The following CCDC32 variants were observed in gnomAD, a reference collection of about 807,000 sequenced individuals.
CCDC32 encodes the protein coiled-coil domain-containing protein 32.
A neutral mutation model predicts 20.1 loss-of-function variants in CCDC32; 9 were observed. The ratio of observed to expected loss-of-function variants is 0.45; its 90% CI spans 0.27 to 0.78. CCDC32 has a LOEUF of 0.78. CCDC32 is among the 30% of genes least tolerant of loss of function. The probability of loss-of-function intolerance (pLI) is 0.16; values close to 1 mark genes in which losing one functional copy is unlikely to be tolerated. For synonymous variants in CCDC32, 63 were observed against 79.0 expected (o/e 0.80, Z 1.07); for missense variants, 204 against 215.5 (o/e 0.95, Z 0.33).
At chr15:40,557,491 T>A (rs1890328131) in intron 2 of CCDC32, 119 bp from the exon 3 acceptor site, 2 of 962,706 alleles carry the variant, frequency 2.1e-6, no homozygotes, top group African/African-American at 3.3e-5. Context: ...CCACACTCCC[T>A]GCCAAAGAGG....
At chr15:40,558,730 A>G (rs187192701) in intron 2 of CCDC32, among the ~76,000 whole-genome samples, 52 of 152,306 alleles carry the variant, frequency 3.4e-4, no homozygotes, top group African/African-American at 1.2e-3. Context: ...CTGACTTTAG[A>G]GAAGATCATT....
intron 2 of CCDC32, among the ~76,000 whole-genome samples, chr15:40,561,479 A>AC (rs1566986010): frequency 6.6e-6 from 1 of 151,392 alleles, no homozygotes; most frequent in East Asian, 1.9e-4. Flanking sequence ...TCTCAAAAAA[A>AC]AAAAACAAAA....
chr15:40,534,079 C>A (rs759709334), downstream of CCDC32, among the ~76,000 whole-genome samples: 13 of 152,188 alleles, frequency 8.5e-5, no homozygotes, highest in Non-Finnish European at 1.9e-4. Flanking sequence ...GACTTTTGAC[C>A]TGGTAATCCC....
At position 40,565,035 on chromosome 15, in the gene CCDC32, C is replaced by G; in HGVS notation, c.-72G>C. 1 of 555,360 alleles carries G rather than the reference C, an allele frequency of 1.8e-6. No homozygotes were observed. Among genetic ancestry groups the G allele is most frequent in the Non-Finnish European group, 3.2e-6 (1 of 310,568 alleles). The allele number at this position is 555,360 out of a possible 1,614,324, so 34.4% of individuals were successfully genotyped here. On this transcript the variant is annotated 5_prime_UTR_variant, in exon 1 of 4. Coordinates refer to ENST00000416810, the MANE Select transcript of CCDC32 (RefSeq NM_001080792.4). ...CTGTCGCCTGTAGCCCGGAGGAAAT[C>G]GGGAGGGGCGGAGTCCCCTAGTGAC...
At chr15:40,543,447 TTTGTTGTTG>T (rs754674235) in intron 3 of CCDC32, among the ~76,000 whole-genome samples, 1 of 151,520 alleles carries the variant, frequency 6.6e-6, no homozygotes, top group African/African-American at 2.4e-5. Flanking sequence ...CTGTTTTGTT[TTTGTTGTTG>T]TTGTTGTTGT....
intron 3 of CCDC32, among the ~76,000 whole-genome samples, chr15:40,528,941 C>G (rs1003436594): frequency 6.6e-6 from 1 of 152,182 alleles, no homozygotes; most frequent in African/African-American, 2.4e-5. Flanking sequence ...ATTCAGCGCT[C>G]AGCATTCTGA....
intron 2 of CCDC32, among the ~76,000 whole-genome samples, chr15:40,560,398 T>G (rs1360124109): frequency 6.6e-6 from 1 of 152,128 alleles, no homozygotes; most frequent in African/African-American, 2.4e-5. Flanking sequence ...AAAACTTCCG[T>G]ACAGCAAAAG....
chr15:40,528,475 T>C (rs961003477), downstream of CCDC32, among the ~76,000 whole-genome samples: 4 of 152,074 alleles, frequency 2.6e-5, no homozygotes, highest in South Asian at 8.3e-4. Flanking sequence ...GAGGAGGGAA[T>C]GACATGAAAT....
chr15:40,536,029 C>A (rs901384268), downstream of CCDC32: 1 of 152,282 alleles, frequency 6.6e-6, no homozygotes, highest in Non-Finnish European at 1.5e-5. Context: ...TCCCTTAATC[C>A]AGCAGTGACT....
intron 3 of CCDC32, among the ~76,000 whole-genome samples, chr15:40,539,840 C>CACA (rs1555413863): frequency 1.5e-5 from 2 of 134,632 alleles, no homozygotes; most frequent in African/African-American, 5.5e-5. Flanking sequence ...CAAACTGTTG[C>CACA]CACACACACA....
the CCDC32 span, among the ~76,000 whole-genome samples, chr15:40,522,961 G>A: frequency 1.3e-5 from 2 of 151,578 alleles, no homozygotes; most frequent in Admixed American, 6.6e-5. Flanking sequence ...CGAGTAGTGG[G>A]GATTATAGGA....
chr15:40,524,040 G>C (rs1894866152), downstream of CCDC32, among the ~76,000 whole-genome samples: 1 of 151,208 alleles, frequency 6.6e-6, no homozygotes, highest in South Asian at 2.1e-4. Flanking sequence ...ACAAATATCA[G>C]TTGACGGGAG....
At chr15:40,521,077 G>A in the CCDC32 span, among the ~76,000 whole-genome samples, 1 of 152,180 alleles carries the variant, frequency 6.6e-6, no homozygotes, top group Non-Finnish European at 1.5e-5. Flanking sequence ...TTCGCGTCGA[G>A]TAGGCTGAGG....
At chr15:40,532,714 C>CTTTTTTTTTT (rs1189285245), downstream of CCDC32, among the ~76,000 whole-genome samples, 1 of 91,464 alleles carries the variant, frequency 1.1e-5, no homozygotes, top group Non-Finnish European at 2.2e-5. Context: ...TGTTTTCTTT[C>CTTTTTTTTTT]TTTTTTTTTT....
chr15:40,556,374 A>C, intron 3 of CCDC32, among the ~76,000 whole-genome samples: 1 of 152,138 alleles, frequency 6.6e-6, no homozygotes, highest in East Asian at 1.9e-4. Context: ...CTTTATATAT[A>C]TTTGTCATCT....
At position 40,563,677 on chromosome 15, in the gene CCDC32, A is replaced by AACAC. The variant is rs59483012; in HGVS notation, c.-12-654_-12-651dup. Among the ~76,000 whole-genome samples the AACAC allele has an allele frequency of 5.3e-4, 69 of 129,804 alleles. 1 individual carries two copies. The highest frequency in any genetic ancestry group is 9.0e-4 in the Admixed American group (12 of 13,360). The allele number at this position is 129,804 out of a possible 152,430, so 85.2% of individuals were successfully genotyped here. Reference sequence around the variant, plus strand: ...GTCAATTTTATGCTACATATATTTTAACACACACACACACACACACACACA... The same window carrying AACAC: ...GTCAATTTTATGCTACATATATTTTAACACACACACACACACACACACACACACA... On this transcript the variant is annotated intron_variant, in intron 1 of 3. Transcript: ENST00000416810.
chr15:40,548,509 C>T (rs533626348), downstream of CCDC32, among the ~76,000 whole-genome samples: 2 of 152,300 alleles, frequency 1.3e-5, no homozygotes, highest in East Asian at 3.9e-4. Context: ...GTGGTTTAAA[C>T]CATGACATTT....
In CCDC32 at chr15:40,553,217, G is replaced by C. The variant is rs1889985348; in HGVS notation, c.*754C>G. 1 of 985,310 alleles carries C rather than the reference G, an allele frequency of 1.0e-6. No individual in the cohort carries two copies. Among genetic ancestry groups the C allele is most frequent in the African/African-American group, 1.7e-5 (1 of 57,234 alleles). The allele number at this position is 985,310 out of a possible 1,614,324, so 61.0% of individuals were successfully genotyped here. On this transcript the variant is annotated 3_prime_UTR_variant, in exon 4 of 4. Transcript: ENST00000416810. ...AAGGAAGATGTTTGGAACTATCCAG[G>C]AGTAGTGTCAAACACTAACACCATA...
intron 3 of CCDC32, among the ~76,000 whole-genome samples, chr15:40,544,367 C>T (rs536717899): frequency 1.2e-4 from 18 of 152,126 alleles, no homozygotes; most frequent in African/African-American, 3.9e-4. Context: ...CATGCAGTAC[C>T]ACGCCAGGCT....
Sources: allele counts gnomAD v4.1 joint callset (sites outside exome capture counted in the v4.1 genomes callset), GRCh38; gene constraint gnomAD v4.1.1; transcripts MANE v1.5; gene names NCBI Gene and HGNC (gene_info 2026-07-23, HGNC 2026-07-21).